The following NEMP2 variants were observed in gnomAD, a reference collection of about 807,000 sequenced individuals.
NEMP2 encodes the protein nuclear envelope integral membrane protein 2, also known as UPF0571 transmembrane protein.
Under a neutral mutation model 54.2 loss-of-function variants are expected in NEMP2, and 53 were observed. The ratio of observed to expected loss-of-function variants is 0.98; its 90% CI spans 0.78 to 1.23. The LOEUF is 1.23. Ranked by LOEUF, NEMP2 falls within the 50% of genes most tolerant of loss-of-function variation. The pLI, the probability that NEMP2 is intolerant of heterozygous loss-of-function variation, is 0.00. For missense variants in NEMP2, 455 were observed against 511.3 expected, an observed-to-expected ratio of 0.89 and a Z score of 1.06; for synonymous variants, 197 against 190.3, an observed-to-expected ratio of 1.04 and a Z score of -0.29.
chr2:190,518,232 T>C (rs550606624), intron 4 of NEMP2, among the ~76,000 whole-genome samples: 1 of 152,332 alleles, frequency 6.6e-6, no homozygotes, highest in East Asian at 1.9e-4. Context: ...CAGAATAATA[T>C]GTTTCTCAGA....
the NEMP2 span, among the ~76,000 whole-genome samples, chr2:190,631,225 T>G: frequency 2.0e-5 from 3 of 152,186 alleles, no homozygotes; most frequent in Non-Finnish European, 4.4e-5. Context: ...TGCTTACATA[T>G]CCAACCAAAG....
At chr2:190,554,683 C>G in the NEMP2 span, among the ~76,000 whole-genome samples, 25 of 152,234 alleles carry the variant, frequency 1.6e-4, no homozygotes, top group Non-Finnish European at 3.2e-4. This position sits in a 1 kb window ranked among gnomAD's most constrained non-coding sequence, Gnocchi z 5.7. Flanking sequence ...AAAACCCCCA[C>G]TTCCCTGGGA....
At chr2:190,439,301 T>C in the NEMP2 span, among the ~76,000 whole-genome samples, 10 of 152,260 alleles carry the variant, frequency 6.6e-5, no homozygotes, top group African/African-American at 2.4e-4. This position sits in a 1 kb window ranked among gnomAD's most constrained non-coding sequence, Gnocchi z 5.8. Flanking sequence ...GTCAATAGCA[T>C]GAGTTGAACA....
intron 4 of NEMP2, among the ~76,000 whole-genome samples, chr2:190,517,994 C>T (rs982553461): frequency 5.9e-5 from 9 of 152,148 alleles, no homozygotes; most frequent in Non-Finnish European, 1.2e-4. Flanking sequence ...CAGCCCAGCT[C>T]GTCAGAGTCC....
At chr2:190,579,491 A>T in the NEMP2 span, among the ~76,000 whole-genome samples, 24 of 152,156 alleles carry the variant, frequency 1.6e-4, no homozygotes, top group Non-Finnish European at 1.3e-4. Context: ...AATTATGCAA[A>T]AACTCTGAGA....
chr2:190,593,138 AAAG>A, the NEMP2 span, among the ~76,000 whole-genome samples: 2 of 152,140 alleles, frequency 1.3e-5, no homozygotes, highest in African/African-American at 4.8e-5. The surrounding 1 kb of genome is among the most constrained non-coding windows in gnomAD (Gnocchi z 4.5). Flanking sequence ...AGGACATTGA[AAAG>A]AAGACTTTTT....
At chr2:190,491,367 C>T in the NEMP2 span, among the ~76,000 whole-genome samples, 1 of 152,154 alleles carries the variant, frequency 6.6e-6, no homozygotes, top group Non-Finnish European at 1.5e-5. The surrounding 1 kb of genome is among the most constrained non-coding windows in gnomAD (Gnocchi z 4.2). Context: ...ACCAGGAAAG[C>T]TGAGAGAATA....
At chr2:190,447,530 G>C in the NEMP2 span, among the ~76,000 whole-genome samples, 3 of 152,286 alleles carry the variant, frequency 2.0e-5, no homozygotes, top group East Asian at 5.8e-4. The surrounding 1 kb of genome is among the most constrained non-coding windows in gnomAD (Gnocchi z 4.5). Flanking sequence ...GACCTACCTA[G>C]TGATATAAAG....
At chr2:190,552,329 G>C in the NEMP2 span, among the ~76,000 whole-genome samples, 1 of 152,104 alleles carries the variant, frequency 6.6e-6, no homozygotes, top group South Asian at 2.1e-4. Context: ...TATTGTCTCT[G>C]AGTTTTTTAT....
At chr2:190,605,359 A>G in the NEMP2 span, among the ~76,000 whole-genome samples, 1 of 147,744 alleles carries the variant, frequency 6.8e-6, no homozygotes, top group Admixed American at 6.7e-5. Context: ...AATTTTTTTA[A>G]TTTTTATTTA....
Position 190,508,339 on chromosome 2 carries a change from G to A in NEMP2, c.*850C>T, listed in dbSNP as rs1456284674. ...AATAAAAAGTAAAGCCACCAACATT[G>A]TGAGGCCCATGGCTGTAGGGAGATG... On this transcript the variant is annotated 3_prime_UTR_variant, in exon 9 of 9. Coordinates refer to ENST00000409150, the MANE Select transcript of NEMP2 (RefSeq NM_001142645.2). The surrounding 1 kb of genome is among the most constrained non-coding windows in gnomAD (Gnocchi z 4.3). 3 of 152,196 alleles carry A rather than the reference G, an allele frequency of 2.0e-5. No homozygotes were observed. The East Asian group carries it at 5.8e-4, about 29-fold the overall frequency. The allele number at this position is 152,196 out of a possible 1,614,324, so 9.4% of individuals were successfully genotyped here. A position where few individuals can be genotyped will look rare whatever the true frequency, so the allele number is the denominator to read the frequency against.
the NEMP2 span, among the ~76,000 whole-genome samples, chr2:190,585,375 T>C: frequency 2.6e-5 from 4 of 152,204 alleles, 1 homozygote; most frequent in Admixed American, 2.6e-4. The surrounding 1 kb of genome is among the most constrained non-coding windows in gnomAD (Gnocchi z 5.3). Flanking sequence ...GATTTGAATA[T>C]GTTCTCACTT....
chr2:190,490,911 A>G, the NEMP2 span, among the ~76,000 whole-genome samples: 79 of 152,202 alleles, frequency 5.2e-4, no homozygotes, highest in African/African-American at 1.8e-3. This position sits in a 1 kb window ranked among gnomAD's most constrained non-coding sequence, Gnocchi z 4.5. Flanking sequence ...ACTCAGAAAG[A>G]GCAATACTGT....
downstream of NEMP2, among the ~76,000 whole-genome samples, chr2:190,499,446 G>T (rs958651914): frequency 1.3e-5 from 2 of 152,184 alleles, no homozygotes; most frequent in Non-Finnish European, 2.9e-5. The surrounding 1 kb of genome is among the most constrained non-coding windows in gnomAD (Gnocchi z 6.0). Flanking sequence ...GGTTACACAA[G>T]TGCTTGTTTA....
chr2:190,463,837 TAAAATA>T, the NEMP2 span: 1 of 962,250 alleles, frequency 1.0e-6, no homozygotes, highest in Non-Finnish European at 1.2e-6. The surrounding 1 kb of genome is among the most constrained non-coding windows in gnomAD (Gnocchi z 4.4). Context: ...AATAAATAAA[TAAAATA>T]AAAATAAAAA....
chr2:190,545,978 T>C, the NEMP2 span, among the ~76,000 whole-genome samples: 1 of 152,268 alleles, frequency 6.6e-6, no homozygotes, highest in South Asian at 2.1e-4. Context: ...CGCAACCCAG[T>C]GTGGGAAAGA....
At chr2:190,630,159 A>G in the NEMP2 span, among the ~76,000 whole-genome samples, 6,922 of 152,308 alleles carry the variant, frequency 0.045, 552 homozygotes, top group African/African-American at 0.16. The surrounding 1 kb of genome is among the most constrained non-coding windows in gnomAD (Gnocchi z 5.5). Flanking sequence ...AAAAATGCCC[A>G]GGAAAGCTTC....
At chr2:190,550,415 G>T in the NEMP2 span, among the ~76,000 whole-genome samples, 976 of 152,144 alleles carry the variant, frequency 6.4e-3, 15 homozygotes, top group African/African-American at 0.022. The surrounding 1 kb of genome is among the most constrained non-coding windows in gnomAD (Gnocchi z 4.7). Context: ...CCCCGACAAG[G>T]CCCTACCTCC....
the NEMP2 span, among the ~76,000 whole-genome samples, chr2:190,443,672 GA>G: frequency 1.3e-5 from 2 of 152,182 alleles, no homozygotes; most frequent in African/African-American, 2.4e-5. This position sits in a 1 kb window ranked among gnomAD's most constrained non-coding sequence, Gnocchi z 4.2. Flanking sequence ...ATTTTCAAAT[GA>G]AATGGAGTTA....
Sources: allele counts gnomAD v4.1 joint callset (sites outside exome capture counted in the v4.1 genomes callset), GRCh38; gene constraint gnomAD v4.1.1; non-coding constraint Gnocchi (gnomAD v3.1); transcripts MANE v1.5; gene names NCBI Gene and HGNC (gene_info 2026-07-23, HGNC 2026-07-21).